Variants in NYAP2 observed in about 807,000 individuals in gnomAD.
NYAP2 encodes the protein neuronal tyrosine-phosphorylated phosphoinositide-3-kinase adaptor 2.
NYAP2 carries 23 observed loss-of-function variants against 50.4 expected under a neutral mutation model. The observed-to-expected ratio is 0.46, with a 90% confidence interval of 0.33 to 0.65. The LOEUF (loss-of-function observed/expected upper bound fraction) is 0.65, where lower values mean the gene tolerates loss of function less well. Among genes scored for constraint, NYAP2 ranks in the 30% least tolerant of loss-of-function variants. The pLI, the probability that NYAP2 is intolerant of heterozygous loss-of-function variation, is 0.02. For synonymous variants in NYAP2, 394 were observed against 365.2 expected (o/e 1.08, Z -0.90); for missense variants, 885 against 861.0 (o/e 1.03, Z -0.35).
At chr2:225,611,586 C>G (rs532718413) in intron 5 of NYAP2, among the ~76,000 whole-genome samples, 8 of 151,802 alleles carry the variant, frequency 5.3e-5, no homozygotes, top group Non-Finnish European at 1.5e-5. Flanking sequence ...CAAGATTTCT[C>G]GACTTCCCTC....
intron 3 of NYAP2, among the ~76,000 whole-genome samples, chr2:225,413,381 G>A (rs962777428): frequency 5.3e-5 from 8 of 152,112 alleles, no homozygotes; most frequent in Non-Finnish European, 8.8e-5. Context: ...ATAGACTGGC[G>A]TCTGTCCTGC....
At chr2:225,460,565 G>T (rs1353834515) in intron 3 of NYAP2, among the ~76,000 whole-genome samples, 4 of 152,182 alleles carry the variant, frequency 2.6e-5, no homozygotes, top group African/African-American at 9.7e-5. Flanking sequence ...GGTAAGAGAG[G>T]AGGGGTTACT....
At chr2:225,552,034 A>G (rs1265038796) in intron 4 of NYAP2, among the ~76,000 whole-genome samples, 1 of 152,122 alleles carries the variant, frequency 6.6e-6, no homozygotes, top group African/African-American at 2.4e-5. Flanking sequence ...GTTGGTCTCG[A>G]ACTCTTGACC....
At chr2:225,613,635 C>T (rs1192504830) in intron 5 of NYAP2, among the ~76,000 whole-genome samples, 5 of 152,162 alleles carry the variant, frequency 3.3e-5, no homozygotes, top group Admixed American at 6.5e-5. Context: ...CGTGGTAGCT[C>T]TAATAACAGT....
rs1559232883 is a variant in NYAP2, at chr2:225,622,549, CTTTCTTTCTTTTTCTTT to C, written c.1619-4367_1619-4351del. Among the ~76,000 whole-genome samples the C allele has an allele frequency of 1.1e-3, 63 of 58,084 alleles. 1 individual carries two copies. The highest frequency in any genetic ancestry group is 4.3e-3 in the African/African-American group (63 of 14,686). 38.1% of individuals were successfully genotyped at this position (58,084 alleles called of 152,430 possible). ...TCTTTCTTTCTTTCTTTCTTTCTTT[CTTTCTTTCTTTTTCTTT>C]CTTTCTTTCTTTCTTCTTTCTTTTT... On this transcript the variant is annotated intron_variant, in intron 5 of 6. Coordinates refer to ENST00000636099, the Ensembl canonical transcript of NYAP2.
At chr2:225,522,354 G>T (rs1345101085) in intron 4 of NYAP2, among the ~76,000 whole-genome samples, 1 of 152,146 alleles carries the variant, frequency 6.6e-6, no homozygotes, top group East Asian at 1.9e-4. Context: ...TTTTGATTGG[G>T]ATAGTTCTCC....
At chr2:225,533,231 T>C (rs1165943723) in intron 4 of NYAP2, among the ~76,000 whole-genome samples, 3 of 152,232 alleles carry the variant, frequency 2.0e-5, no homozygotes, top group African/African-American at 4.8e-5. Flanking sequence ...AAAATGCTCT[T>C]ATGTCTCCAA....
At chr2:225,531,120 T>C (rs1434215675) in intron 4 of NYAP2, among the ~76,000 whole-genome samples, 2 of 152,208 alleles carry the variant, frequency 1.3e-5, no homozygotes, top group Admixed American at 6.5e-5. Context: ...ATCCTGCTTA[T>C]CATTTATCTG....
At chr2:225,692,616 A>G in the NYAP2 span, among the ~76,000 whole-genome samples, 1 of 152,094 alleles carries the variant, frequency 6.6e-6, no homozygotes, top group South Asian at 2.1e-4. Context: ...TACAATATCC[A>G]TAAAATGTAT....
intron 6 of NYAP2, among the ~76,000 whole-genome samples, chr2:225,637,203 A>G (rs1387668131): frequency 2.0e-5 from 3 of 152,182 alleles, no homozygotes; most frequent in African/African-American, 7.2e-5. Context: ...TTTAGGAAGT[A>G]TTTGTGTTAA....
chr2:225,489,192 TTTTA>T (rs142208280), intron 3 of NYAP2, among the ~76,000 whole-genome samples: 3,200 of 152,094 alleles, frequency 0.021, 93 homozygotes, highest in African/African-American at 0.072. Flanking sequence ...TCTTTCTTTC[TTTTA>T]TTTATTTATT....
chr2:225,650,856 C>T (rs901751982), intron 6 of NYAP2, among the ~76,000 whole-genome samples: 16 of 152,036 alleles, frequency 1.1e-4, no homozygotes, highest in African/African-American at 3.9e-4. Context: ...AATTTGGGCT[C>T]CTCAAATTAG....
intron 4 of NYAP2, among the ~76,000 whole-genome samples, chr2:225,523,559 A>G (rs1691103082): frequency 6.6e-6 from 1 of 152,148 alleles, no homozygotes; most frequent in Admixed American, 6.6e-5. Context: ...GATGAAAGAA[A>G]TCATAGATGA....
chr2:225,571,191 G>C (rs2106222000), intron 4 of NYAP2, among the ~76,000 whole-genome samples: 1 of 152,348 alleles, frequency 6.6e-6, no homozygotes, highest in South Asian at 2.1e-4. Context: ...GGCTGGTGTT[G>C]AGTGTCTGTG....
the NYAP2 span, among the ~76,000 whole-genome samples, chr2:225,687,489 T>C: frequency 6.6e-6 from 1 of 152,186 alleles, no homozygotes; most frequent in South Asian, 2.1e-4. Context: ...AAAATCTCAA[T>C]ATATGGCACC....
Position 225,399,889 on chromosome 2 carries a change from T to C in NYAP2, c.-867T>C, listed in dbSNP as rs1694829875. On this transcript the variant is annotated 5_prime_UTR_variant, in exon 1 of 7. The change abolishes an upstream ATG in the 5' untranslated region. Coordinates refer to ENST00000636099, the Ensembl canonical transcript of NYAP2. The stretch of plus-strand genomic sequence containing the variant: ...CTGTAGTAAGAACATTTGTTTTCAA[T>C]GGATTTATATTTTTCCTCTCCATAA... 6.6e-6 allele frequency: 1 copy of C among 152,140 alleles called. No individual in the cohort carries two copies. The highest frequency in any genetic ancestry group is 2.4e-5 in the African/African-American group (1 of 41,462). The allele number at this position is 152,140 out of a possible 1,614,324, so 9.4% of individuals were successfully genotyped here.
intron 4 of NYAP2, among the ~76,000 whole-genome samples, chr2:225,550,435 A>G (rs1691652350): frequency 1.3e-5 from 2 of 152,230 alleles, no homozygotes; most frequent in African/African-American, 4.8e-5. Context: ...CAATATTTGA[A>G]GGCATTGGTG....
intron 3 of NYAP2, among the ~76,000 whole-genome samples, chr2:225,412,538 A>G (rs1457232884): frequency 6.6e-6 from 1 of 152,134 alleles, no homozygotes; most frequent in Middle Eastern, 3.4e-3. Flanking sequence ...AAAAACTGGC[A>G]TGAAAAGTCC....
intron 4 of NYAP2, among the ~76,000 whole-genome samples, chr2:225,556,587 T>C (rs535039227): frequency 6.6e-6 from 1 of 152,304 alleles, no homozygotes; most frequent in South Asian, 2.1e-4. Context: ...TTAATTGTTT[T>C]GACCATCTTG....
Sources: gnomAD v4.1 joint callset for allele counts (sites outside exome capture counted in the v4.1 genomes callset) on GRCh38, gnomAD v4.1.1 for gene constraint, MANE v1.5 for transcripts, NCBI Gene and HGNC (gene_info 2026-07-23, HGNC 2026-07-21) for gene names.